Variants in TAS2R1 observed in about 807,000 individuals in gnomAD.
TAS2R1 encodes the protein taste receptor type 2 member 1.
For missense variants in TAS2R1, 370 were observed against 353.4 expected (o/e 1.05, Z -0.38); for synonymous variants, 141 against 134.2 (o/e 1.05, Z -0.35).
chr5:9,810,014 T>C, the TAS2R1 span, among the ~76,000 whole-genome samples: 1 of 152,236 alleles, frequency 6.6e-6, no homozygotes. Flanking sequence ...TTTCCTTCTC[T>C]TACACTCATT....
At chr5:9,871,593 T>C in the TAS2R1 span, among the ~76,000 whole-genome samples, 1 of 152,164 alleles carries the variant, frequency 6.6e-6, no homozygotes, top group Non-Finnish European at 1.5e-5. Flanking sequence ...GGGAAGCCTG[T>C]TCACCAAGAG....
the TAS2R1 span, among the ~76,000 whole-genome samples, chr5:9,734,102 G>C: frequency 2.0e-5 from 3 of 152,076 alleles, no homozygotes; most frequent in Non-Finnish European, 4.4e-5. Context: ...TAGTGCCTTT[G>C]TAAAAGACAT....
chr5:9,684,087 G>C (rs194071), intron 1 of TAS2R1, among the ~76,000 whole-genome samples: 46,104 of 152,042 alleles, frequency 0.3, 8,576 homozygotes, highest in Non-Finnish European at 0.42. Flanking sequence ...TATCTAAAGG[G>C]TATCTGCACT....
At chr5:9,640,497 TAAAAAAAA>T (rs56140715) in intron 2 of TAS2R1, among the ~76,000 whole-genome samples, 28 of 59,032 alleles carry the variant, frequency 4.7e-4, no homozygotes, top group African/African-American at 9.1e-4. Flanking sequence ...TTCAATTCCT[TAAAAAAAA>T]AAAAAAAAAA....
At chr5:9,754,791 T>C in the TAS2R1 span, among the ~76,000 whole-genome samples, 1 of 152,132 alleles carries the variant, frequency 6.6e-6, no homozygotes, top group Non-Finnish European at 1.5e-5. Flanking sequence ...GTAGGAAGAA[T>C]TAACATCGTG....
chr5:9,685,964 C>T (rs1458668795), intron 1 of TAS2R1, among the ~76,000 whole-genome samples: 2 of 152,204 alleles, frequency 1.3e-5, no homozygotes, highest in African/African-American at 4.8e-5. Context: ...CTCCTGGGTT[C>T]AGGCAATTTT....
chr5:9,734,220 C>A, the TAS2R1 span, among the ~76,000 whole-genome samples: 1 of 152,154 alleles, frequency 6.6e-6, no homozygotes, highest in Non-Finnish European at 1.5e-5. Context: ...CTGCTGGCAC[C>A]TTGATATCAG....
At chr5:9,643,731 C>T (rs1037092204) in intron 2 of TAS2R1, among the ~76,000 whole-genome samples, 2 of 152,040 alleles carry the variant, frequency 1.3e-5, no homozygotes, top group Non-Finnish European at 2.9e-5. Context: ...ATATGGTGCA[C>T]GACTGTAGTA....
chr5:9,630,087 C>G lies in TAS2R1; in HGVS notation c.-55G>C. On this transcript the variant is annotated 5_prime_UTR_variant, in exon 1 of 1. Transcript: ENST00000382492. ...AATAATGAAGTTATAAAGTTTTGGA[C>G]AGGTTGGGTTGTTCACGCTCTTCAA... The G allele has an allele frequency of 6.9e-7, 1 of 1,439,834 alleles. No individual in the cohort carries two copies. Among genetic ancestry groups the G allele is most frequent in the East Asian group, 2.5e-5 (1 of 40,206 alleles). 89.2% of individuals were successfully genotyped at this position (1,439,834 alleles called of 1,614,324 possible).
At chr5:9,815,833 ATATT>A in the TAS2R1 span, among the ~76,000 whole-genome samples, 2 of 152,220 alleles carry the variant, frequency 1.3e-5, no homozygotes, top group Admixed American at 1.3e-4. Flanking sequence ...AAACAAAACT[ATATT>A]TATATCTCAG....
the TAS2R1 span, among the ~76,000 whole-genome samples, chr5:9,801,934 T>A: frequency 6.6e-6 from 1 of 152,060 alleles, no homozygotes; most frequent in Admixed American, 6.6e-5. Flanking sequence ...AACCTGGTGG[T>A]CTTTCTCTAC....
At chr5:9,802,673 C>A in the TAS2R1 span, among the ~76,000 whole-genome samples, 1 of 152,118 alleles carries the variant, frequency 6.6e-6, no homozygotes, top group Admixed American at 6.5e-5. Flanking sequence ...GAGGCCAAGG[C>A]AGGCGGATCA....
At chr5:9,791,140 T>C in the TAS2R1 span, among the ~76,000 whole-genome samples, 2 of 152,190 alleles carry the variant, frequency 1.3e-5, no homozygotes, top group Non-Finnish European at 1.5e-5. Context: ...ATAAGCAGTA[T>C]TCTAAATGAC....
chr5:9,738,850 T>G, the TAS2R1 span, among the ~76,000 whole-genome samples: 1 of 152,198 alleles, frequency 6.6e-6, no homozygotes, highest in South Asian at 2.1e-4. Flanking sequence ...ACTAGGCCTC[T>G]CTCTTCCTGC....
chr5:9,834,806 T>A, the TAS2R1 span, among the ~76,000 whole-genome samples: 5 of 151,844 alleles, frequency 3.3e-5, no homozygotes, highest in East Asian at 9.7e-4. Flanking sequence ...GTCCAGGCAC[T>A]TGGAGAGTTC....
chr5:9,886,959 C>T, the TAS2R1 span, among the ~76,000 whole-genome samples: 1 of 152,142 alleles, frequency 6.6e-6, no homozygotes, highest in South Asian at 2.1e-4. Context: ...CACAGCACAG[C>T]TTGACCACCG....
intron 1 of TAS2R1, among the ~76,000 whole-genome samples, chr5:9,708,796 C>A (rs1378140249): frequency 2.0e-5 from 3 of 152,120 alleles, no homozygotes; most frequent in African/African-American, 7.2e-5. Context: ...AAACTCTCGA[C>A]ATTTATTGCT....
At chr5:9,807,265 T>C in the TAS2R1 span, among the ~76,000 whole-genome samples, 1 of 152,174 alleles carries the variant, frequency 6.6e-6, no homozygotes, top group African/African-American at 2.4e-5. Context: ...GATGATGGCA[T>C]GGATGTATTG....
chr5:9,822,022 T>C, the TAS2R1 span, among the ~76,000 whole-genome samples: 5 of 152,316 alleles, frequency 3.3e-5, no homozygotes, highest in South Asian at 1.0e-3. Flanking sequence ...GTTGACTCTG[T>C]GGTCATGACC....
Sources: gnomAD v4.1 joint callset for allele counts (sites outside exome capture counted in the v4.1 genomes callset) on GRCh38, gnomAD v4.1.1 for gene constraint, MANE v1.5 for transcripts, NCBI Gene and HGNC (gene_info 2026-07-23, HGNC 2026-07-21) for gene names.